Variants in SMYD2 observed in about 807,000 individuals in gnomAD.
The protein encoded by SMYD2 is N-lysine methyltransferase SMYD2.
Under a neutral mutation model 59.1 loss-of-function variants are expected in SMYD2, and 53 were observed. The observed-to-expected ratio is 0.90, with a 90% CI of 0.72 to 1.13. SMYD2 has a LOEUF of 1.13. SMYD2 is among the 50% of genes most tolerant of loss of function. SMYD2 has a pLI of 0.00. For missense variants in SMYD2, 494 were observed against 544.7 expected (o/e 0.91, Z 0.93); for synonymous variants, 208 against 198.8 (o/e 1.05, Z -0.39).
chr1:214,333,413 C>G (rs1404345651), intron 10 of SMYD2: 2 of 152,312 alleles, frequency 1.3e-5, no homozygotes, highest in African/African-American at 4.8e-5. Context: ...GCCTCCTACC[C>G]AGGAATACAG....
intron 11 of SMYD2, 37 bp from the exon 12 acceptor site, chr1:214,336,667 C>T (rs763171194): frequency 6.2e-7 from 1 of 1,600,252 alleles, no homozygotes; most frequent in Non-Finnish European, 8.6e-7. Flanking sequence ...AGGAGATTGG[C>T]TTCTAGGCTC....
chr1:214,298,173 A>T (rs1415375504), intron 1 of SMYD2, among the ~76,000 whole-genome samples: 1 of 152,234 alleles, frequency 6.6e-6, no homozygotes, highest in Non-Finnish European at 1.5e-5. Context: ...GGCTATGGTA[A>T]CCAAAACAGC....
At chr1:214,324,303 T>C (rs996930996) in intron 5 of SMYD2, among the ~76,000 whole-genome samples, 2 of 152,162 alleles carry the variant, frequency 1.3e-5, no homozygotes, top group African/African-American at 2.4e-5. Context: ...AACAAAGCTG[T>C]AGCAGAATTG....
chr1:214,290,458 G>A (rs566148176), intron 1 of SMYD2, among the ~76,000 whole-genome samples: 1 of 152,326 alleles, frequency 6.6e-6, no homozygotes, highest in South Asian at 2.1e-4. Context: ...TATAGAAAAA[G>A]TGGATCTGAG....
chr1:214,316,127 G>A (rs1657081456), intron 3 of SMYD2, among the ~76,000 whole-genome samples: 1 of 152,154 alleles, frequency 6.6e-6, no homozygotes. Flanking sequence ...TTGCTCCTCA[G>A]TGCTGTCAGA....
intron 3 of SMYD2, 56 bp downstream of exon 3, chr1:214,314,928 C>G: frequency 7.5e-7 from 1 of 1,340,376 alleles, no homozygotes; most frequent in Non-Finnish European, 1.1e-6. Flanking sequence ...TTTTAAAGGT[C>G]AGAAAGATGA....
At chr1:214,284,787 A>T (rs577992181) in intron 1 of SMYD2, among the ~76,000 whole-genome samples, 1 of 152,290 alleles carries the variant, frequency 6.6e-6, no homozygotes, top group African/African-American at 2.4e-5. Context: ...AAGTGCTAGG[A>T]TTACAGGCGT....
chr1:214,320,818 G>GT (rs1180386821), intron 5 of SMYD2, among the ~76,000 whole-genome samples: 1 of 152,138 alleles, frequency 6.6e-6, no homozygotes, highest in Admixed American at 6.5e-5. Context: ...GAGTGTTAAG[G>GT]TAGAAGGAAT....
intron 5 of SMYD2, among the ~76,000 whole-genome samples, chr1:214,320,207 G>A (rs1657149122): frequency 6.6e-6 from 1 of 152,178 alleles, no homozygotes; most frequent in Non-Finnish European, 1.5e-5. Context: ...TTTCACGACT[G>A]TCTAAACTTG....
intron 5 of SMYD2, among the ~76,000 whole-genome samples, chr1:214,323,501 G>A (rs575001951): frequency 2.0e-5 from 3 of 151,944 alleles, no homozygotes; most frequent in East Asian, 3.9e-4. Context: ...GTGTAATCTC[G>A]GCTTACTGCA....
intron 11 of SMYD2, 27 bp downstream of exon 11, chr1:214,334,335 T>C: frequency 1.3e-6 from 2 of 1,599,952 alleles, no homozygotes; most frequent in Non-Finnish European, 1.7e-6. Context: ...GCCTTAGGAT[T>C]CCCAGTGGCC....
chr1:214,293,011 TTGTGTGTGTGTGTGTGTGTG>T lies in SMYD2; in HGVS notation c.173+11622_173+11641del, dbSNP rs58012666. Among the ~76,000 whole-genome samples, 820 of 137,318 alleles carry T rather than the reference TTGTGTGTGTGTGTGTGTGTG, an allele frequency of 6.0e-3. 6 individuals are homozygous for T. The highest frequency in any genetic ancestry group is 0.019 in the Middle Eastern group (5 of 266). 90.1% of individuals were successfully genotyped at this position (137,318 alleles called of 152,430 possible). On this transcript the variant is annotated intron_variant, in intron 1 of 11. Coordinates refer to ENST00000366957, the MANE Select transcript of SMYD2 (RefSeq NM_020197.3). The stretch of plus-strand genomic sequence containing the variant: ...TTTCCAAAGCTTTATCTTTTTCTGT[TTGTGTGTGTGTGTGTGTGTG>T]TGTGTGTGTGTGTGTGTGTGTGTGT...
In SMYD2 at chr1:214,293,980, AT is replaced by A. The variant is rs77613213; in HGVS notation, c.174-11194del. Among the ~76,000 whole-genome samples, 296 of 143,778 alleles carry A rather than the reference AT, an allele frequency of 2.1e-3. 1 individual carries two copies. Among genetic ancestry groups the A allele is most frequent in the Middle Eastern group, 3.7e-3 (1 of 272 alleles). The allele number at this position is 143,778 out of a possible 152,430, so 94.3% of individuals were successfully genotyped here. ...CATGAGCCACCGTGCCCAGCCACTCATTTTTTTTTTTTTAACAAAAATATTA... is the reference window on the plus strand; with the variant it reads ...CATGAGCCACCGTGCCCAGCCACTCATTTTTTTTTTTTAACAAAAATATTA... On this transcript the variant is annotated intron_variant, in intron 1 of 11. Coordinates refer to ENST00000366957, the MANE Select transcript of SMYD2 (RefSeq NM_020197.3).
At chr1:214,285,046 T>G (rs1656514436) in intron 1 of SMYD2, among the ~76,000 whole-genome samples, 1 of 152,186 alleles carries the variant, frequency 6.6e-6, no homozygotes, top group African/African-American at 2.4e-5. Context: ...GAAAGCCCAT[T>G]TAGCCTCCTT....
chr1:214,329,187 T>G (rs1296302052), intron 7 of SMYD2, among the ~76,000 whole-genome samples: 1 of 152,182 alleles, frequency 6.6e-6, no homozygotes, highest in Non-Finnish European at 1.5e-5. Context: ...GGGGATTACT[T>G]ACCCTTCAGA....
rs562753467 is a variant in SMYD2, at chr1:214,287,767, T to C, written c.173+6340T>C. On this transcript the variant is annotated intron_variant, in intron 1 of 11. Coordinates refer to ENST00000366957, the MANE Select transcript of SMYD2 (RefSeq NM_020197.3). ...AAACCTTCTTCAAAAAAGAGCCTTT[T>C]CTCACTCCAAAGTCTTAGGCACTTT... Among the ~76,000 whole-genome samples, 5 of 152,234 alleles carry C rather than the reference T, an allele frequency of 3.3e-5. No individual in the cohort carries two copies. The South Asian group carries it at 1.0e-3, about 32-fold the overall frequency.
At chr1:214,323,742 A>G (rs1437152694) in intron 5 of SMYD2, among the ~76,000 whole-genome samples, 1 of 151,704 alleles carries the variant, frequency 6.6e-6, no homozygotes. Context: ...GGCCCGTACA[A>G]CGTTTCTTTT....
chr1:214,326,607 A>G (rs997084497), intron 6 of SMYD2, among the ~76,000 whole-genome samples: 2 of 152,162 alleles, frequency 1.3e-5, no homozygotes, highest in African/African-American at 4.8e-5. Flanking sequence ...CACCAGGCTA[A>G]CCACATACTT....
chr1:214,322,895 G>A (rs922928130), intron 5 of SMYD2, among the ~76,000 whole-genome samples: 15 of 152,182 alleles, frequency 9.9e-5, no homozygotes, highest in African/African-American at 3.6e-4. Context: ...ACAGTGCCTG[G>A]CCCAGAGTGA....
Sources: allele counts gnomAD v4.1 joint callset (sites outside exome capture counted in the v4.1 genomes callset), GRCh38; gene constraint gnomAD v4.1.1; transcripts MANE v1.5; gene names NCBI Gene and HGNC (gene_info 2026-07-23, HGNC 2026-07-21).